The following HK3 variants were observed in gnomAD, a reference collection of about 807,000 sequenced individuals.
HK3 encodes hexokinase-3.
HK3 carries 93 observed loss-of-function variants against 91.0 expected under a neutral mutation model. That is an observed-to-expected ratio of 1.02 (90% confidence interval 0.86 to 1.21). The LOEUF is 1.21. Among genes scored for constraint, HK3 ranks in the 50% most tolerant of loss-of-function variants. The pLI is 0.00. For missense variants in HK3, 1,235 were observed against 1,247.4 expected (o/e 0.99, Z 0.15); for synonymous variants, 519 against 516.9 (o/e 1.00, Z -0.06).
chr5:176,883,163 G>C (rs539822), intron 15 of HK3, among the ~76,000 whole-genome samples: 1 of 152,036 alleles, frequency 6.6e-6, no homozygotes, highest in Non-Finnish European at 1.5e-5. Context: ...CTGAGTGGTC[G>C]GTTCTGAGAA....
intron 15 of HK3, among the ~76,000 whole-genome samples, chr5:176,882,654 G>A (rs1335268193): frequency 6.6e-6 from 1 of 152,224 alleles, no homozygotes; most frequent in African/African-American, 2.4e-5. Context: ...CATCGTGGGA[G>A]CCCAGACCAC....
chr5:176,881,214 G>C lies in HK3; in HGVS notation c.2631C>G (p.Phe877Leu). The C allele has an allele frequency of 6.2e-7, 1 of 1,613,210 alleles. No homozygotes were observed. Among genetic ancestry groups the C allele is most frequent in the East Asian group, 2.2e-5 (1 of 44,878 alleles). Residue 877 changes from phenylalanine (F) to leucine (L), a missense_variant, in exon 19 of 19, where the codon TTC (phenylalanine) becomes TTG (leucine). Coordinates refer to ENST00000292432, the MANE Select transcript of HK3 (RefSeq NM_002115.3). ...GCACTGTGGCCGCCACCAGGCTGGA[G>C]AAGCTGTGAGAGGAGGGCTGAGGTG... is the stretch of plus-strand genomic sequence containing the variant. Reference protein sequence around the residue: ...DGTLYKLHPRFSSLVAATVRE... With the variant: ...DGTLYKLHPRLSSLVAATVRE...
chr5:176,891,398 T>C lies in HK3; in HGVS notation c.249A>G (p.Pro83=). ...RMLPTYVGST[P]HGTEQGDFVV... Reference sequence around the variant, plus strand: ...ATCTATGATACCCACCAGTGCCATGTGGGGTGGACCCCACGTATGTAGGCA... The same window carrying C: ...ATCTATGATACCCACCAGTGCCATGCGGGGTGGACCCCACGTATGTAGGCA... The change falls in exon 3 of 19, where the codon CCA becomes CCG. Residue 83 remains proline, a synonymous_variant. Coordinates refer to ENST00000292432, the MANE Select transcript of HK3 (RefSeq NM_002115.3). 1 of 1,613,188 alleles carries C rather than the reference T, an allele frequency of 6.2e-7. No homozygotes were observed. Among genetic ancestry groups the C allele is most frequent in the Non-Finnish European group, 8.5e-7 (1 of 1,179,592 alleles).
intron 13 of HK3, among the ~76,000 whole-genome samples, chr5:176,885,658 G>A (rs1208601355): frequency 2.0e-5 from 3 of 152,012 alleles, no homozygotes; most frequent in African/African-American, 4.8e-5. Context: ...CTGATCTCAT[G>A]ATTCACCCGT....
intron 2 of HK3, among the ~76,000 whole-genome samples, chr5:176,894,738 C>A (rs1182808746): frequency 2.0e-5 from 3 of 151,488 alleles, no homozygotes; most frequent in African/African-American, 7.3e-5. Flanking sequence ...CAGAGAATGA[C>A]TCAAGTACCC....
rs764783682 is a variant in HK3, at chr5:176,881,169, A to G, written c.2676T>C (p.Cys892=). The G allele has an allele frequency of 6.2e-7, 1 of 1,613,154 alleles. No individual in the cohort carries two copies. The highest frequency in any genetic ancestry group is 1.7e-5 in the Admixed American group (1 of 60,016). The change falls in exon 19 of 19, where the codon TGT becomes TGC. Residue 892 remains cysteine (C), a synonymous_variant. Coordinates refer to ENST00000292432, the MANE Select transcript of HK3 (RefSeq NM_002115.3). ...CCTCTGACTGCAGGAACGTGACCAC[A>G]CAGCGAGGGGCCAGCTCCCGCACTG... The part of the protein sequence containing the change: ...AATVRELAPR[C]VVTFLQSEDG...
rs761380708 is a variant in HK3 at position 176,881,091 on chromosome 5, C to A, written c.2754G>T (p.Ala918=). The change falls in exon 19 of 19, where the codon GCG becomes GCT. Residue 918 remains alanine (A), a synonymous_variant. Coordinates refer to ENST00000292432, the MANE Select transcript of HK3 (RefSeq NM_002115.3). The stretch of plus-strand genomic sequence containing the variant: ...GGTTTCCTCAGACACGAGTCAACTG[C>A]GCAAGGCGGCAGGCAACAGCGGTGA... ...ALVTAVACRL[A]QLTRV The A allele has an allele frequency of 3.7e-6, 6 of 1,609,342 alleles. No individual in the cohort carries two copies. Among genetic ancestry groups the A allele is most frequent in the Non-Finnish European group, 5.1e-6 (6 of 1,178,300 alleles).
intron 17 of HK3, 71 bp from the exon 18 acceptor site, chr5:176,881,606 A>G (rs1432481954): frequency 6.3e-7 from 1 of 1,589,454 alleles, no homozygotes; most frequent in African/African-American, 1.3e-5. Context: ...TCCAGAGCAG[A>G]CCTCGTCACC....
chr5:176,891,677 T>G, intron 2 of HK3, 127 bp from the exon 3 acceptor site: 1 of 923,530 alleles, frequency 1.1e-6, no homozygotes, highest in Non-Finnish European at 1.6e-6. Context: ...CCTGACTCTC[T>G]TGCCAACAGC....
chr5:176,896,317 C>T (rs1371662982), intron 1 of HK3, 132 bp from the exon 2 acceptor site: 4 of 483,500 alleles, frequency 8.3e-6, no homozygotes, highest in Non-Finnish European at 1.5e-5. Context: ...GAACCTCCAA[C>T]CATCAAAGAT....
Position 176,883,745 on chromosome 5 carries a change from C to T in HK3, c.2053+25G>A, listed in dbSNP as rs771160414. 63 of 1,569,882 alleles carry T rather than the reference C, an allele frequency of 4.0e-5. No homozygotes were observed. In the Admixed American group the frequency reaches 9.7e-4, roughly 24 times the overall value. On this transcript the variant is annotated intron_variant, in intron 15 of 18. Coordinates refer to ENST00000292432, the MANE Select transcript of HK3 (RefSeq NM_002115.3). ...GCAGCAAATTGCCAAGCAGTAGGGG[C>T]ATGAAAGGGCAGGGCCCTCCTCACC...
chr5:176,890,785 A>AC (rs780754968), intron 5 of HK3, 37 bp downstream of exon 5: 1 of 1,614,100 alleles, frequency 6.2e-7, no homozygotes, highest in Non-Finnish European at 8.5e-7. Flanking sequence ...GGCTGCAGCC[A>AC]CCCTCTACCC....
At chr5:176,886,181 C>G (rs192093689) in intron 13 of HK3, among the ~76,000 whole-genome samples, 8 of 151,634 alleles carry the variant, frequency 5.3e-5, no homozygotes, top group Middle Eastern at 3.4e-3. Context: ...GTGAGTGAGC[C>G]AAGATCATGC....
intron 2 of HK3, among the ~76,000 whole-genome samples, chr5:176,895,076 CTTTTTT>C (rs35622796): frequency 4.4e-5 from 5 of 113,738 alleles, no homozygotes; most frequent in Non-Finnish European, 5.2e-5. Context: ...TGCGCCCGGA[CTTTTTT>C]TTTTTTTTTT....
Position 176,883,776 on chromosome 5 carries a change from TGAG to T in HK3, c.2044_2046del (p.Leu682del). The T allele has an allele frequency of 3.1e-6, 5 of 1,613,210 alleles. No homozygotes were observed. The highest frequency in any genetic ancestry group is 4.2e-6 in the Non-Finnish European group (5 of 1,179,360). ...AGGGCAGGGCCCTCCTCACCGACAA[TGAG>T]GCCTATCTCGCAACGGGGGTCCTCA... is the stretch of plus-strand genomic sequence containing the variant. On this transcript the variant is annotated inframe_deletion, in exon 15 of 19. Coordinates refer to ENST00000292432, the MANE Select transcript of HK3 (RefSeq NM_002115.3).
chr5:176,890,111 C>G (rs533115898), intron 6 of HK3, among the ~76,000 whole-genome samples: 1 of 152,328 alleles, frequency 6.6e-6, no homozygotes, highest in South Asian at 2.1e-4. Context: ...CCTCCCAGCA[C>G]TGGCTTCTCA....
chr5:176,883,420 C>G (rs775509714), intron 15 of HK3, among the ~76,000 whole-genome samples: 4 of 152,176 alleles, frequency 2.6e-5, no homozygotes, highest in Non-Finnish European at 5.9e-5. Context: ...ACTCTTATCT[C>G]CATCTTAGAG....
rs981002811 is a variant in HK3 at position 176,881,094 on chromosome 5, A to G, written c.2751T>C (p.Leu917=). The G allele has an allele frequency of 1.2e-6, 2 of 1,609,880 alleles. No individual in the cohort carries two copies. Among genetic ancestry groups the G allele is most frequent in the Non-Finnish European group, 1.7e-6 (2 of 1,178,682 alleles). The change falls in exon 19 of 19, where the codon CTT becomes CTC. Residue 917 remains leucine, a synonymous_variant. Coordinates refer to ENST00000292432, the MANE Select transcript of HK3 (RefSeq NM_002115.3). ...TTCCTCAGACACGAGTCAACTGCGC[A>G]AGGCGGCAGGCAACAGCGGTGACCA... ...AALVTAVACR[L]AQLTRV is the part of the protein sequence containing the mutation.
At position 176,891,150 on chromosome 5, in the gene HK3, C is replaced by T. The variant is rs1251348540; in HGVS notation, c.301G>A (p.Ala101Thr). The T allele has an allele frequency of 6.2e-7, 1 of 1,614,034 alleles. No individual in the cohort carries two copies. Among genetic ancestry groups the T allele is most frequent in the East Asian group, 2.2e-5 (1 of 44,892 alleles). Residue 101 changes from alanine to threonine, a missense_variant, in exon 4 of 19, where the codon GCC becomes ACC. By Grantham distance (58) the Ala-to-Thr change is moderately conservative. This residue lies in a region of HK3 where 717 missense variants were observed against 751.6 expected (regional missense o/e 0.95). Coordinates refer to ENST00000292432, the MANE Select transcript of HK3 (RefSeq NM_002115.3). Reference sequence around the variant, plus strand: ...GTCACCCACAAAACACGCAGTGAGGCCCCTGTGGCCCCCAGCTCCAGCACC... The same window carrying T: ...GTCACCCACAAAACACGCAGTGAGGTCCCTGTGGCCCCCAGCTCCAGCACC... ...FVVLELGATG[A>T]SLRVLWVTLT...
Sources: gnomAD v4.1 joint callset for allele counts (sites outside exome capture counted in the v4.1 genomes callset) on GRCh38, gnomAD v4.1.1 for gene constraint, gnomAD v4.1.1 regional missense constraint, MANE v1.5 for transcripts, NCBI Gene and HGNC (gene_info 2026-07-23, HGNC 2026-07-21) for gene names.